RBMS3: variants seen among roughly 807,000 people sequenced by gnomAD.
The protein encoded by RBMS3 is RNA binding motif single stranded interacting protein 3.
In RBMS3, 27 loss-of-function variants were observed where a neutral mutation model predicts 66.8. The ratio of observed to expected loss-of-function variants is 0.40; its 90% confidence interval spans 0.30 to 0.56. The LOEUF (loss-of-function observed/expected upper bound fraction) is 0.56. Among genes scored for constraint, RBMS3 ranks in the 20% least tolerant of loss-of-function variants. The probability of loss-of-function intolerance (pLI) is 0.40; values close to 1 mark genes in which losing one functional copy is unlikely to be tolerated. For synonymous variants in RBMS3, 188 were observed against 183.0 expected (o/e 1.03, Z -0.22); for missense variants, 513 against 549.5 (o/e 0.93, Z 0.66).
chr3:29,729,804 C>T (rs59832073), intron 4 of RBMS3, among the ~76,000 whole-genome samples: 4,246 of 146,846 alleles, frequency 0.029, 83 homozygotes, highest in Admixed American at 0.066. Flanking sequence ...AAAAAGAGCC[C>T]TCATAGCCAA....
At chr3:29,407,243 A>G (rs9842837) in intron 1 of RBMS3, among the ~76,000 whole-genome samples, 13,663 of 152,242 alleles carry the variant, frequency 0.09, 1,420 homozygotes, top group African/African-American at 0.25. Context: ...GATTATCACA[A>G]CTGCCTAAGA....
intron 5 of RBMS3, among the ~76,000 whole-genome samples, chr3:29,761,735 G>A (rs9821715): frequency 0.48 from 72,418 of 151,936 alleles, 17,864 homozygotes; most frequent in African/African-American, 0.6. Flanking sequence ...ATAAAATTTA[G>A]ATGTAGGAAA....
chr3:29,662,565 A>G (rs1459413063), intron 4 of RBMS3, among the ~76,000 whole-genome samples: 1 of 152,216 alleles, frequency 6.6e-6, no homozygotes, highest in East Asian at 1.9e-4. Flanking sequence ...TAACAAAACC[A>G]TGCTGAATTC....
chr3:29,704,076 C>T (rs1011712091), intron 4 of RBMS3, among the ~76,000 whole-genome samples: 2 of 152,154 alleles, frequency 1.3e-5, no homozygotes, highest in Non-Finnish European at 2.9e-5. Context: ...TGTCTAGTTG[C>T]AGGAAAACAA....
chr3:29,608,422 C>T (rs2048381729), intron 4 of RBMS3, among the ~76,000 whole-genome samples: 1 of 151,940 alleles, frequency 6.6e-6, no homozygotes, highest in Non-Finnish European at 1.5e-5. Flanking sequence ...TTTCTTCTTA[C>T]ATTCTTAGTT....
chr3:29,971,707 T>C (rs1165677558), intron 12 of RBMS3, among the ~76,000 whole-genome samples: 1 of 152,134 alleles, frequency 6.6e-6, no homozygotes, highest in Non-Finnish European at 1.5e-5. Context: ...GCATGGTCTT[T>C]CTAGTTTACC....
At position 29,936,216 on chromosome 3, in the gene RBMS3, T is replaced by G; in HGVS notation, c.1050+20T>G. 6.2e-7 allele frequency: 1 copy of G among 1,602,332 alleles called. No homozygotes were observed. Among genetic ancestry groups the G allele is most frequent in the Non-Finnish European group, 8.5e-7 (1 of 1,172,274 alleles). ...GGAACGGTGAGTTGAAGAGATTGTT[T>G]TGTTTCCTTGAACTTTTTTGATCAG... On this transcript the variant is annotated intron_variant, in intron 11 of 14. Coordinates refer to ENST00000383767, the MANE Select transcript of RBMS3 (RefSeq NM_001003793.3).
chr3:29,321,769 CA>C (rs1165336500), intron 1 of RBMS3, among the ~76,000 whole-genome samples: 1 of 152,018 alleles, frequency 6.6e-6, no homozygotes, highest in Non-Finnish European at 1.5e-5. Flanking sequence ...CTGTGAAGGT[CA>C]AAGCCACCAA....
At chr3:29,430,857 G>C (rs988654400) in intron 1 of RBMS3, among the ~76,000 whole-genome samples, 12 of 152,198 alleles carry the variant, frequency 7.9e-5, no homozygotes, top group African/African-American at 2.9e-4. Flanking sequence ...GGTGAAAGTG[G>C]TAGCAAACAG....
chr3:29,320,796 C>T (rs1395866977), intron 1 of RBMS3, among the ~76,000 whole-genome samples: 1 of 151,624 alleles, frequency 6.6e-6, no homozygotes, highest in Non-Finnish European at 1.5e-5. Context: ...TTAAGAGGTA[C>T]AGAAATGCAG....
chr3:29,536,096 G>T (rs563791987), intron 3 of RBMS3, among the ~76,000 whole-genome samples: 37 of 152,114 alleles, frequency 2.4e-4, no homozygotes, highest in Non-Finnish European at 4.7e-4. Context: ...GACCTGAAAA[G>T]TTAGCATGGT....
intron 1 of RBMS3, among the ~76,000 whole-genome samples, chr3:29,369,084 T>C (rs9857959): frequency 0.29 from 43,446 of 151,900 alleles, 6,631 homozygotes; most frequent in Non-Finnish European, 0.34. Flanking sequence ...TACCATATGT[T>C]CTCACTTATA....
chr3:29,811,625 C>G (rs2057731445), intron 6 of RBMS3, among the ~76,000 whole-genome samples: 1 of 152,228 alleles, frequency 6.6e-6, no homozygotes, highest in African/African-American at 2.4e-5. Context: ...TCCCTCTCCC[C>G]CATTATTCCC....
At chr3:29,476,696 A>T (rs910049464) in intron 2 of RBMS3, among the ~76,000 whole-genome samples, 3 of 152,156 alleles carry the variant, frequency 2.0e-5, no homozygotes, top group African/African-American at 7.2e-5. Flanking sequence ...AGTTATTTTG[A>T]ATTAAAGCTG....
At chr3:29,459,265 T>C (rs1044296944) in intron 2 of RBMS3, among the ~76,000 whole-genome samples, 1 of 152,246 alleles carries the variant, frequency 6.6e-6, no homozygotes, top group African/African-American at 2.4e-5. Context: ...CCTGTGGTTT[T>C]ACAGTTTAAT....
At chr3:29,412,159 G>T (rs2040292330) in intron 1 of RBMS3, among the ~76,000 whole-genome samples, 1 of 152,150 alleles carries the variant, frequency 6.6e-6, no homozygotes, top group African/African-American at 2.4e-5. Context: ...TACATATATA[G>T]TGAGACCAAA....
chr3:29,514,769 G>A (rs1172670599), intron 3 of RBMS3, among the ~76,000 whole-genome samples: 7 of 146,582 alleles, frequency 4.8e-5, no homozygotes, highest in Non-Finnish European at 8.9e-5. Flanking sequence ...GCATATATAC[G>A]ATAGGCATAT....
At chr3:29,879,524 C>T (rs905123183) in intron 7 of RBMS3, among the ~76,000 whole-genome samples, 9 of 151,964 alleles carry the variant, frequency 5.9e-5, no homozygotes, top group Non-Finnish European at 1.2e-4. Context: ...ATTCAGTATA[C>T]AATATTTAAT....
chr3:29,852,332 G>A (rs766681102), intron 6 of RBMS3, among the ~76,000 whole-genome samples: 1 of 152,160 alleles, frequency 6.6e-6, no homozygotes, highest in Non-Finnish European at 1.5e-5. Flanking sequence ...TTAAAATTAA[G>A]AGCTTCTGCC....
Sources: allele counts gnomAD v4.1 joint callset (sites outside exome capture counted in the v4.1 genomes callset), GRCh38; gene constraint gnomAD v4.1.1; transcripts MANE v1.5; gene names NCBI Gene and HGNC (gene_info 2026-07-23, HGNC 2026-07-21).